Variants in CTNNA2 observed in about 807,000 individuals in gnomAD.
The protein encoded by CTNNA2 is catenin alpha 2, also known as catenin alpha-2.
Under a neutral mutation model 101.0 loss-of-function variants are expected in CTNNA2, and 42 were observed. The observed-to-expected ratio is 0.42, with a 90% CI of 0.32 to 0.54. The LOEUF is 0.54. Among genes scored for constraint, CTNNA2 ranks in the 20% least tolerant of loss-of-function variants. The pLI, the probability that CTNNA2 is intolerant of heterozygous loss-of-function variation, is 0.14. For missense variants in CTNNA2, 871 were observed against 1,223.1 expected (o/e 0.71, Z 4.29); for synonymous variants, 450 against 456.4 (o/e 0.99, Z 0.18).
intron 2 of CTNNA2, among the ~76,000 whole-genome samples, chr2:79,660,131 G>T (rs534909409): frequency 1.3e-5 from 2 of 151,498 alleles, no homozygotes; most frequent in Middle Eastern, 3.5e-3. Context: ...CATACAAATA[G>T]CATGTGCAAT....
chr2:79,852,135 A>G (rs1048624367), intron 3 of CTNNA2, among the ~76,000 whole-genome samples: 2 of 152,222 alleles, frequency 1.3e-5, no homozygotes, highest in African/African-American at 4.8e-5. Context: ...TAGATAAAGG[A>G]TAATTACGCA....
intron 1 of CTNNA2, among the ~76,000 whole-genome samples, chr2:79,518,578 C>T (rs535097377): frequency 6.6e-6 from 1 of 152,260 alleles, no homozygotes; most frequent in African/African-American, 2.4e-5. Context: ...CCACATCCCA[C>T]CCAGAAACCA....
rs145369156 is a variant in CTNNA2 at position 80,196,415 on chromosome 2, T to C, written c.1057-196796T>C. Among the ~76,000 whole-genome samples, 66 of 152,280 alleles carry C rather than the reference T, an allele frequency of 4.3e-4. 2 individuals are homozygous for C. Among genetic ancestry groups the C allele is most frequent in the African/African-American group, 1.4e-3 (59 of 41,558 alleles). ...TGCCCCTACCTCGTAACTTTCAGCG[T>C]CCATGTCCTACCTTATCTGTAGTCA... On this transcript the variant is annotated intron_variant, in intron 7 of 18. Transcript: ENST00000402739.
At chr2:79,908,854 C>T (rs1161592610) in intron 6 of CTNNA2, among the ~76,000 whole-genome samples, 3 of 152,200 alleles carry the variant, frequency 2.0e-5, no homozygotes, top group South Asian at 2.1e-4. Flanking sequence ...CCATCTACCT[C>T]GGGGCATCTC....
At chr2:79,701,997 C>CAAAAAAAA (rs58716617) in intron 2 of CTNNA2, among the ~76,000 whole-genome samples, 2 of 75,434 alleles carry the variant, frequency 2.7e-5, no homozygotes, top group Admixed American at 1.7e-4. Context: ...GACTCTGTCT[C>CAAAAAAAA]AAAAAAAAAA....
chr2:79,264,839 CAACTAAAG>C (rs1451637831), intron 2 of CTNNA2, among the ~76,000 whole-genome samples: 3 of 152,112 alleles, frequency 2.0e-5, no homozygotes, highest in Non-Finnish European at 4.4e-5. Flanking sequence ...GCTACTCTAG[CAACTAAAG>C]TTCAATGTTC....
chr2:79,972,721 G>A (rs767253206), intron 7 of CTNNA2, among the ~76,000 whole-genome samples: 2 of 152,208 alleles, frequency 1.3e-5, no homozygotes, highest in Non-Finnish European at 2.9e-5. Flanking sequence ...ATTTAGGGAA[G>A]TGGATCTTCA....
intron 7 of CTNNA2, among the ~76,000 whole-genome samples, chr2:80,120,896 A>G (rs1043443176): frequency 7.9e-5 from 12 of 152,314 alleles, no homozygotes; most frequent in East Asian, 1.9e-4. Flanking sequence ...ATGTGCCTCA[A>G]TGATGGCCAT....
intron 7 of CTNNA2, among the ~76,000 whole-genome samples, chr2:79,992,833 C>T (rs751198203): frequency 2.0e-5 from 3 of 152,112 alleles, no homozygotes; most frequent in Non-Finnish European, 4.4e-5. Flanking sequence ...AGATTGAATT[C>T]TTGAAGATGT....
At chr2:80,383,847 A>G (rs1676744375) in intron 7 of CTNNA2, among the ~76,000 whole-genome samples, 1 of 152,232 alleles carries the variant, frequency 6.6e-6, no homozygotes, top group Non-Finnish European at 1.5e-5. Flanking sequence ...GAATCATTCT[A>G]CCATAAAGAC....
chr2:79,844,036 A>G (rs1343932382), intron 3 of CTNNA2, among the ~76,000 whole-genome samples: 9 of 152,146 alleles, frequency 5.9e-5, no homozygotes, highest in Non-Finnish European at 1.2e-4. Context: ...TTTGTAGTGA[A>G]AAATATATTT....
chr2:80,398,639 G>A (rs1331428373), intron 8 of CTNNA2, among the ~76,000 whole-genome samples: 1 of 149,418 alleles, frequency 6.7e-6, no homozygotes, highest in Non-Finnish European at 1.5e-5. Context: ...AGGATCACTT[G>A]AAGTCAGGAG....
intron 2 of CTNNA2, among the ~76,000 whole-genome samples, chr2:79,229,144 T>G (rs562524043): frequency 8.1e-4 from 123 of 152,316 alleles, no homozygotes; most frequent in African/African-American, 2.8e-3. Context: ...CCATGCTCCT[T>G]GAGTACTGTA....
At chr2:79,266,630 A>G (rs1674990393) in intron 2 of CTNNA2, among the ~76,000 whole-genome samples, 2 of 152,074 alleles carry the variant, frequency 1.3e-5, no homozygotes, top group South Asian at 4.1e-4. Flanking sequence ...TGGCAGCAAG[A>G]TCTCGGTGGT....
intron 2 of CTNNA2, among the ~76,000 whole-genome samples, chr2:79,699,838 T>TGG (rs1684886437): frequency 6.8e-6 from 1 of 147,520 alleles, no homozygotes; most frequent in African/African-American, 2.5e-5. Context: ...CACACGTGTG[T>TGG]GTATATATAT....
Position 79,821,590 on chromosome 2 carries a change from G to A in CTNNA2, c.299-36423G>A, listed in dbSNP as rs572452393. On this transcript the variant is annotated intron_variant, in intron 3 of 18. Transcript: ENST00000402739. ...TTTGAATGCATAAAATTAGTTGGAC[G>A]CTAGATATATAAAAATTAAAGAATA... is the stretch of plus-strand genomic sequence containing the variant. Among the ~76,000 whole-genome samples the A allele has an allele frequency of 5.9e-5, 9 of 152,240 alleles. No homozygotes were observed. The Middle Eastern group carries it at 0.01, about 173-fold the overall frequency.
chr2:80,632,278 A>G (rs1672383745), intron 18 of CTNNA2, among the ~76,000 whole-genome samples: 1 of 131,686 alleles, frequency 7.6e-6, no homozygotes, highest in Non-Finnish European at 1.5e-5. Flanking sequence ...CCCCACCCCA[A>G]CACACACACA....
At chr2:79,475,522 A>G (rs4852149) in intron 4 of CTNNA2, among the ~76,000 whole-genome samples, 103,379 of 151,466 alleles carry the variant, frequency 0.68, 35,385 homozygotes, top group African/African-American at 0.7. Flanking sequence ...TTACAGTCTA[A>G]TATGAACCAT....
In CTNNA2 at chr2:79,368,652, A is replaced by G. The variant is rs533846779; in HGVS notation, c.-317-5179A>G. Among the ~76,000 whole-genome samples the G allele has an allele frequency of 2.2e-4, 33 of 152,290 alleles. No homozygotes were observed. In the South Asian group the frequency reaches 6.6e-3, roughly 31 times the overall value. On this transcript the variant is annotated intron_variant, in intron 3 of 21. Coordinates refer to the CTNNA2 transcript ENST00000466387. ...ACATTTCCTCCATGAGACACATGACAGGCTTATTAGAGTGGGAGGTGGCAC... is the reference window on the plus strand; with the variant it reads ...ACATTTCCTCCATGAGACACATGACGGGCTTATTAGAGTGGGAGGTGGCAC...
Sources: gnomAD v4.1 joint callset for allele counts (sites outside exome capture counted in the v4.1 genomes callset) on GRCh38, gnomAD v4.1.1 for gene constraint, MANE v1.5 for transcripts, NCBI Gene and HGNC (gene_info 2026-07-23, HGNC 2026-07-21) for gene names.